The following IQCH variants were observed in gnomAD, a reference collection of about 807,000 sequenced individuals.
IQCH encodes IQ domain-containing protein H.
A neutral mutation model predicts 117.0 loss-of-function variants in IQCH; 98 were observed. That is an observed-to-expected ratio of 0.84 (90% CI 0.71 to 0.99). The LOEUF (loss-of-function observed/expected upper bound fraction) is 0.99, where lower values mean the gene tolerates loss of function less well. IQCH is among the 50% of genes least tolerant of loss of function. IQCH has a pLI of 0.00. For synonymous variants in IQCH, 412 were observed against 448.2 expected, an observed-to-expected ratio of 0.92 and a Z score of 1.02; for missense variants, 1,102 against 1,243.8, an observed-to-expected ratio of 0.89 and a Z score of 1.72.
chr15:67,264,325 C>T (rs1191057862), intron 3 of IQCH, among the ~76,000 whole-genome samples: 3 of 150,046 alleles, frequency 2.0e-5, no homozygotes, highest in Non-Finnish European at 3.0e-5. Context: ...TTTAGAACAA[C>T]AAATACTTAC....
chr15:67,488,709 A>G (rs2083560640), intron 18 of IQCH, among the ~76,000 whole-genome samples: 1 of 152,198 alleles, frequency 6.6e-6, no homozygotes, highest in South Asian at 2.1e-4. Context: ...TCCACCTCAG[A>G]TCATCAGGCA....
At chr15:67,335,456 C>T (rs137876438) in intron 4 of IQCH, among the ~76,000 whole-genome samples, 1,850 of 152,312 alleles carry the variant, frequency 0.012, 17 homozygotes, top group Middle Eastern at 0.041. Context: ...CTTTGTCTCA[C>T]TGACCTTTAT....
intron 16 of IQCH, 70 bp downstream of exon 16, chr15:67,421,647 C>G: frequency 3.4e-6 from 5 of 1,473,456 alleles, no homozygotes; most frequent in Non-Finnish European, 4.7e-6. Flanking sequence ...ACCTACAGTA[C>G]AACAGGGCAT....
intron 4 of IQCH, among the ~76,000 whole-genome samples, chr15:67,303,713 G>A (rs1212908305): frequency 6.6e-6 from 1 of 152,038 alleles, no homozygotes; most frequent in Admixed American, 6.6e-5. Flanking sequence ...CCACTATGTG[G>A]CCCACTCTCA....
At position 67,479,368 on chromosome 15, in the gene IQCH, A is replaced by G. The variant is rs569008779; in HGVS notation, c.2799+3550A>G. 1.3e-5 allele frequency among the ~76,000 whole-genome samples: 2 copies of G among 152,336 alleles called. No individual in the cohort carries two copies. The highest frequency in any genetic ancestry group is 3.9e-4 in the East Asian group (2 of 5,186). On this transcript the variant is annotated intron_variant, in intron 18 of 20. Transcript: ENST00000335894. The surrounding 1 kb of genome is among the most constrained non-coding windows in gnomAD (Gnocchi z 4.6). The stretch of plus-strand genomic sequence containing the variant: ...CCCGTAATTGTCTACAAAGTCAAGC[A>G]TGATTCTTCGTCTTACACAAGGTGT...
At chr15:67,379,624 G>A (rs1420665097) in intron 10 of IQCH, among the ~76,000 whole-genome samples, 2 of 152,070 alleles carry the variant, frequency 1.3e-5, no homozygotes, top group East Asian at 3.9e-4. Context: ...TTGGATTACA[G>A]GGGCAGGTTT....
rs539232669 is a variant in IQCH at position 67,386,457 on chromosome 15, A to G, written c.1456+1438A>G. On this transcript the variant is annotated intron_variant, in intron 11 of 20. Transcript: ENST00000335894. This position sits in a 1 kb window ranked among gnomAD's most constrained non-coding sequence, Gnocchi z 5.0. ...CTTCATGATATAGCAAGGCAATCAT[A>G]AAAAGTCTTCAAGAGGAGTAATGAA... 1.3e-5 allele frequency among the ~76,000 whole-genome samples: 2 copies of G among 152,350 alleles called. No individual in the cohort carries two copies. The highest frequency in any genetic ancestry group is 4.8e-5 in the African/African-American group (2 of 41,588).
In IQCH at chr15:67,357,372, C is replaced by T; in HGVS notation, c.665C>T (p.Pro222Leu). The change falls in exon 7 of 21, where the codon CCT becomes CTT. Residue 222 changes from proline (P) to leucine (L), a missense_variant. By Grantham distance (98) the Pro-to-Leu change is moderately conservative. Around this residue, in one of 2 missense-constraint regions of IQCH, gnomAD observed 452 missense variants for 449.6 expected, o/e 1.01. Transcript: ENST00000335894. ...VATFTIPREP[P>L]PSPAEVKFFP... ...ACTTTCACTATACCTCGGGAACCAC[C>T]TCCATCTCCAGCAGAAGTGAAGTTC... is the stretch of plus-strand genomic sequence containing the variant. 6.2e-7 allele frequency: 1 copy of T among 1,610,998 alleles called. No homozygotes were observed. The highest frequency in any genetic ancestry group is 8.5e-7 in the Non-Finnish European group (1 of 1,177,108).
chr15:67,437,927 A>C (rs1012274408), intron 16 of IQCH, among the ~76,000 whole-genome samples: 2 of 152,190 alleles, frequency 1.3e-5, no homozygotes, highest in Non-Finnish European at 2.9e-5. Context: ...GAGAATAATC[A>C]GTGTTACTGA....
intron 13 of IQCH, among the ~76,000 whole-genome samples, chr15:67,398,169 TATATA>T (rs908966459): frequency 2.6e-4 from 40 of 152,136 alleles, no homozygotes; most frequent in African/African-American, 7.2e-4. Context: ...AACCTGCAAA[TATATA>T]ATATATCTAA....
chr15:67,307,108 GA>G, intron 4 of IQCH: 1 of 1,172,328 alleles, frequency 8.5e-7, no homozygotes, highest in South Asian at 3.8e-5. Context: ...TAACTGTTAT[GA>G]CCTAGAAAAA....
At chr15:67,434,880 G>A (rs548038562) in intron 16 of IQCH, among the ~76,000 whole-genome samples, 3 of 150,008 alleles carry the variant, frequency 2.0e-5, no homozygotes, top group South Asian at 2.1e-4. Context: ...AGGGTTTAGC[G>A]ATTCTCCTGC....
intron 4 of IQCH, among the ~76,000 whole-genome samples, chr15:67,284,071 A>G (rs1966467407): frequency 6.6e-6 from 1 of 152,050 alleles, no homozygotes. Flanking sequence ...CTCTTTAGTT[A>G]TTTTTAATGT....
chr15:67,396,695 C>G (rs1190137688), intron 13 of IQCH, among the ~76,000 whole-genome samples: 1 of 152,174 alleles, frequency 6.6e-6, no homozygotes, highest in African/African-American at 2.4e-5. Flanking sequence ...AACCAGAGAA[C>G]AGTGCACAGT....
intron 8 of IQCH, among the ~76,000 whole-genome samples, chr15:67,362,214 A>C (rs1387272444): frequency 1.3e-5 from 2 of 152,064 alleles, no homozygotes; most frequent in African/African-American, 4.8e-5. Context: ...AAATTAAACA[A>C]AAATGTGTCC....
intron 14 of IQCH, among the ~76,000 whole-genome samples, chr15:67,414,060 G>A (rs112024769): frequency 6.6e-6 from 1 of 152,170 alleles, no homozygotes; most frequent in Non-Finnish European, 1.5e-5. Flanking sequence ...TTATCTTCCC[G>A]ATGCCCTTCA....
chr15:67,259,460 A>T (rs1965368882), intron 1 of IQCH, among the ~76,000 whole-genome samples: 1 of 152,256 alleles, frequency 6.6e-6, no homozygotes, highest in African/African-American at 2.4e-5. Flanking sequence ...TTGTGTGACT[A>T]ATAAGTGATA....
At chr15:67,351,505 A>G (rs1325190128) in intron 6 of IQCH, among the ~76,000 whole-genome samples, 1 of 152,204 alleles carries the variant, frequency 6.6e-6, no homozygotes, top group Non-Finnish European at 1.5e-5. Context: ...AGTATGCACA[A>G]GCGTTTTTCT....
intron 16 of IQCH, among the ~76,000 whole-genome samples, chr15:67,428,704 C>G (rs1446256971): frequency 6.6e-6 from 1 of 151,952 alleles, no homozygotes; most frequent in East Asian, 1.9e-4. Flanking sequence ...CAAAAATTAG[C>G]TGGGCATGGT....
Sources: allele counts gnomAD v4.1 joint callset (sites outside exome capture counted in the v4.1 genomes callset), GRCh38; gene constraint gnomAD v4.1.1; regional missense constraint gnomAD v4.1.1; non-coding constraint Gnocchi (gnomAD v3.1); transcripts MANE v1.5; gene names NCBI Gene and HGNC (gene_info 2026-07-23, HGNC 2026-07-21).